The following CNTLN variants were observed in gnomAD, a reference collection of about 807,000 sequenced individuals.
The protein encoded by CNTLN is centlein, centrosomal protein.
CNTLN carries 212 observed loss-of-function variants against 180.0 expected under a neutral mutation model. The observed-to-expected ratio is 1.18, with a 90% CI of 1.05 to 1.32. The LOEUF (loss-of-function observed/expected upper bound fraction) is 1.32. Ranked by LOEUF, CNTLN falls within the 40% of genes most tolerant of loss-of-function variation. CNTLN has a pLI of 0.00. For missense variants in CNTLN, 2,095 were observed against 1,610.9 expected, an observed-to-expected ratio of 1.30 and a Z score of -5.14; for synonymous variants, 722 against 563.1, an observed-to-expected ratio of 1.28 and a Z score of -3.99.
chr9:17,258,836 C>G (rs1438083714), intron 5 of CNTLN, among the ~76,000 whole-genome samples: 2 of 144,504 alleles, frequency 1.4e-5, no homozygotes, highest in Non-Finnish European at 3.0e-5. Context: ...TATCCTGAGA[C>G]TTTGCTGAAG....
intron 7 of CNTLN, chr9:17,298,846 CTT>C (rs1426909339): frequency 1.0e-6 from 1 of 985,410 alleles, no homozygotes; most frequent in East Asian, 1.1e-4. Context: ...GTTCAGTAGT[CTT>C]TTACTTTACA....
chr9:17,329,190 A>G (rs1230022996), intron 8 of CNTLN, among the ~76,000 whole-genome samples: 1 of 152,036 alleles, frequency 6.6e-6, no homozygotes, highest in Non-Finnish European at 1.5e-5. Flanking sequence ...TTTATTTTGT[A>G]TATGATAGGA....
In CNTLN at chr9:17,215,583, A is replaced by C. The variant is rs541182779; in HGVS notation, c.450-10620A>C. Among the ~76,000 whole-genome samples, 3 of 152,324 alleles carry C rather than the reference A, an allele frequency of 2.0e-5. No individual in the cohort carries two copies. In the East Asian group the frequency reaches 5.8e-4, roughly 29 times the overall value. ...AACGACTGCTCTCTTCAAAGCTGTCAGACAGGGACATTTAAGTCTGCAGAG... is the reference window on the plus strand; with the variant it reads ...AACGACTGCTCTCTTCAAAGCTGTCCGACAGGGACATTTAAGTCTGCAGAG... On this transcript the variant is annotated intron_variant, in intron 2 of 25. Coordinates refer to ENST00000380647, the MANE Select transcript of CNTLN (RefSeq NM_017738.4).
chr9:17,290,340 C>T (rs970796536), intron 6 of CNTLN, among the ~76,000 whole-genome samples: 4 of 150,886 alleles, frequency 2.7e-5, no homozygotes, highest in African/African-American at 9.8e-5. Flanking sequence ...GGGTCAGGGA[C>T]CCACTTGAGG....
chr9:17,365,090 G>A (rs1366922840), intron 12 of CNTLN, among the ~76,000 whole-genome samples: 2 of 152,142 alleles, frequency 1.3e-5, no homozygotes, highest in Non-Finnish European at 2.9e-5. Flanking sequence ...GATATGGTTT[G>A]GATTTGTGTC....
chr9:17,322,954 C>G (rs1300288757), intron 8 of CNTLN, among the ~76,000 whole-genome samples: 4 of 151,976 alleles, frequency 2.6e-5, no homozygotes, highest in Admixed American at 6.6e-5. Flanking sequence ...GCCTTGATAA[C>G]TTGTAATATT....
chr9:17,216,047 G>A (rs1227232500), intron 2 of CNTLN, among the ~76,000 whole-genome samples: 1 of 152,062 alleles, frequency 6.6e-6, no homozygotes, highest in African/African-American at 2.4e-5. Flanking sequence ...TCGGTGGGCT[G>A]CACCCACTGT....
At position 17,475,415 on chromosome 9, in the gene CNTLN, T is replaced by G. The variant is rs900423126; in HGVS notation, c.3855+8524T>G. On this transcript the variant is annotated intron_variant, in intron 23 of 25. Coordinates refer to ENST00000380647, the MANE Select transcript of CNTLN (RefSeq NM_017738.4). Reference sequence around the variant, plus strand: ...TATTTGAAATATTTAAAGATGGCCATAAGAATAAAAATATTTAATTTGTAA... The same window carrying G: ...TATTTGAAATATTTAAAGATGGCCAGAAGAATAAAAATATTTAATTTGTAA... 2.0e-5 allele frequency among the ~76,000 whole-genome samples: 3 copies of G among 149,632 alleles called. No homozygotes were observed. The East Asian group carries it at 5.9e-4, about 29-fold the overall frequency.
rs141605239 is a variant in CNTLN at position 17,153,075 on chromosome 9, G to A, written c.449+9699G>A. On this transcript the variant is annotated intron_variant, in intron 2 of 25. Transcript: ENST00000380647. Reference sequence around the variant, plus strand: ...TCTTTGCACATGAGATGGTTCTCCTGAATACAGCACACTGATGGGTCTTGA... The same window carrying A: ...TCTTTGCACATGAGATGGTTCTCCTAAATACAGCACACTGATGGGTCTTGA... Among the ~76,000 whole-genome samples, 787 of 152,218 alleles carry A rather than the reference G, an allele frequency of 5.2e-3. 5 individuals are homozygous for A. Among genetic ancestry groups the A allele is most frequent in the African/African-American group, 0.018 (756 of 41,508 alleles).
At chr9:17,344,463 G>T (rs1322289082) in intron 12 of CNTLN, among the ~76,000 whole-genome samples, 1 of 152,064 alleles carries the variant, frequency 6.6e-6, no homozygotes, top group Non-Finnish European at 1.5e-5. Context: ...TTGGGGGAGG[G>T]TTGCATTATT....
intron 6 of CNTLN, among the ~76,000 whole-genome samples, chr9:17,277,826 A>G (rs770187552): frequency 6.6e-5 from 10 of 152,156 alleles, no homozygotes; most frequent in Admixed American, 6.6e-5. Flanking sequence ...AGAGAATTCT[A>G]CAAATGTTGA....
At chr9:17,266,296 C>G (rs1827437845) in intron 5 of CNTLN, among the ~76,000 whole-genome samples, 1 of 152,112 alleles carries the variant, frequency 6.6e-6, no homozygotes, top group East Asian at 1.9e-4. Context: ...TCATTATGTA[C>G]CCAGTAGTCA....
chr9:17,397,063 A>G (rs12000092), intron 15 of CNTLN, among the ~76,000 whole-genome samples: 2,587 of 152,350 alleles, frequency 0.017, 72 homozygotes, highest in African/African-American at 0.059. Context: ...ACCACTTGGT[A>G]CTACCACACT....
Position 17,457,699 on chromosome 9 carries a change from T to C in CNTLN, c.3290T>C (p.Leu1097Ser). Reference protein sequence around the residue: ...SRSMDLEMKQLQYKLKNATNE... With the variant: ...SRSMDLEMKQSQYKLKNATNE... ...AGCATGGATTTGGAAATGAAGCAAT[T>C]GCAGTATAAACTAAAGGTGATTATA... Residue 1097 changes from leucine (L) to serine (S), a missense_variant, in exon 19 of 26, where the codon TTG becomes TCG. By Grantham distance (145) the Leu-to-Ser change is moderately radical. Coordinates refer to ENST00000380647, the MANE Select transcript of CNTLN (RefSeq NM_017738.4). The C allele has an allele frequency of 1.3e-6, 2 of 1,490,536 alleles. No individual in the cohort carries two copies. Among genetic ancestry groups the C allele is most frequent in the Non-Finnish European group, 1.8e-6 (2 of 1,117,102 alleles). The allele number at this position is 1,490,536 out of a possible 1,614,324, so 92.3% of individuals were successfully genotyped here.
chr9:17,153,811 C>A lies in CNTLN; in HGVS notation c.449+10435C>A, dbSNP rs1013979077. Among the ~76,000 whole-genome samples, 5 of 152,296 alleles carry A rather than the reference C, an allele frequency of 3.3e-5. No individual in the cohort carries two copies. The East Asian group carries it at 7.7e-4, about 23-fold the overall frequency. Reference sequence around the variant, plus strand: ...TACACCAATCAAATGTAGACTTGGTCTTTTCACATAGTCCCATATTTCTTG... The same window carrying A: ...TACACCAATCAAATGTAGACTTGGTATTTTCACATAGTCCCATATTTCTTG... On this transcript the variant is annotated intron_variant, in intron 2 of 25. Transcript: ENST00000380647.
intron 25 of CNTLN, among the ~76,000 whole-genome samples, chr9:17,492,566 T>G (rs1833222652): frequency 6.6e-6 from 1 of 152,104 alleles, no homozygotes; most frequent in South Asian, 2.1e-4. Context: ...TTTAAAAAGC[T>G]TAAACTCTAA....
chr9:17,347,381 A>G (rs1821984790), intron 12 of CNTLN, among the ~76,000 whole-genome samples: 1 of 152,158 alleles, frequency 6.6e-6, no homozygotes, highest in Non-Finnish European at 1.5e-5. Context: ...GTAGGTCAAA[A>G]ATGTTGCTGG....
At chr9:17,135,560 G>A (rs992277301) in intron 1 of CNTLN, 135 bp downstream of exon 1, 7 of 1,217,006 alleles carry the variant, frequency 5.8e-6, no homozygotes, top group African/African-American at 4.7e-5. Context: ...ACCCTGCTTC[G>A]CTCGCGGCCG....
intron 2 of CNTLN, among the ~76,000 whole-genome samples, chr9:17,198,371 G>A (rs904363370): frequency 6.7e-6 from 1 of 149,406 alleles, no homozygotes; most frequent in Non-Finnish European, 1.5e-5. Flanking sequence ...CAAGAACATG[G>A]AATGTCTTTT....
Sources: allele counts gnomAD v4.1 joint callset (sites outside exome capture counted in the v4.1 genomes callset), GRCh38; gene constraint gnomAD v4.1.1; transcripts MANE v1.5; gene names NCBI Gene and HGNC (gene_info 2026-07-23, HGNC 2026-07-21).